Variants in GALNT7 observed in about 807,000 individuals in gnomAD.
The protein encoded by GALNT7 is polypeptide N-acetylgalactosaminyltransferase 7.
GALNT7 carries 60 observed loss-of-function variants against 82.1 expected under a neutral mutation model. The observed-to-expected ratio is 0.73, with a 90% CI of 0.59 to 0.91. GALNT7 has a LOEUF of 0.91. Ranked by LOEUF, GALNT7 falls within the 40% of genes least tolerant of loss-of-function variation. The pLI, the probability that GALNT7 is intolerant of heterozygous loss-of-function variation, is 0.00. For missense variants in GALNT7, 660 were observed against 804.2 expected (o/e 0.82, Z 2.17); for synonymous variants, 243 against 275.1 (o/e 0.88, Z 1.15).
intron 11 of GALNT7, among the ~76,000 whole-genome samples, chr4:173,318,966 T>C (rs1006538144): frequency 2.0e-5 from 3 of 152,098 alleles, no homozygotes; most frequent in Non-Finnish European, 4.4e-5. Flanking sequence ...TATTTGATAT[T>C]GTCCAGCAGG....
chr4:173,181,374 A>G (rs1362976043), intron 1 of GALNT7, among the ~76,000 whole-genome samples: 1 of 152,174 alleles, frequency 6.6e-6, no homozygotes, highest in African/African-American at 2.4e-5. Context: ...CCTTTTAGTG[A>G]TCAGTGAAAA....
At chr4:173,224,838 C>T (rs1009080273) in intron 1 of GALNT7, among the ~76,000 whole-genome samples, 10 of 151,504 alleles carry the variant, frequency 6.6e-5, no homozygotes, top group Admixed American at 1.3e-4. Flanking sequence ...CGGTGAAACC[C>T]CGTCTCTACT....
chr4:173,225,897 G>T (rs143114273), intron 1 of GALNT7, among the ~76,000 whole-genome samples: 4 of 152,300 alleles, frequency 2.6e-5, no homozygotes, highest in African/African-American at 9.6e-5. Context: ...TCTCTACCAA[G>T]TCCTGAACCA....
At chr4:173,216,725 A>ATCTTTTTT (rs1277080433) in intron 1 of GALNT7, among the ~76,000 whole-genome samples, 1 of 8,460 alleles carries the variant, frequency 1.2e-4, no homozygotes, top group Non-Finnish European at 5.9e-4. Context: ...ATATATATAT[A>ATCTTTTTT]TATTTTTTTT....
At position 173,224,874 on chromosome 4, in the gene GALNT7, G is replaced by T. The variant is rs193275694; in HGVS notation, c.127-23106G>T. On this transcript the variant is annotated intron_variant, in intron 1 of 11. Transcript: ENST00000265000. ...AAAAATTAAAAAAAAAATTAGCCAG[G>T]CGTGGTGGCGCGCGCCTGTAGTCCC... Among the ~76,000 whole-genome samples, 816 of 151,894 alleles carry T rather than the reference G, an allele frequency of 5.4e-3. 7 individuals are homozygous for T. Among genetic ancestry groups the T allele is most frequent in the African/African-American group, 0.019 (778 of 41,464 alleles).
At chr4:173,204,298 T>C (rs920506277) in intron 1 of GALNT7, among the ~76,000 whole-genome samples, 2 of 152,228 alleles carry the variant, frequency 1.3e-5, no homozygotes, top group South Asian at 2.1e-4. Flanking sequence ...GATTATAGTA[T>C]GTCTTGGTGT....
In GALNT7 at chr4:173,323,482, G is replaced by A. The variant is rs1005841644; in HGVS notation, c.*1765G>A. 1.3e-5 allele frequency: 2 copies of A among 152,548 alleles called. No homozygotes were observed. Among genetic ancestry groups the A allele is most frequent in the Non-Finnish European group, 2.9e-5 (2 of 67,966 alleles). The allele number at this position is 152,548 out of a possible 1,614,324, so 9.4% of individuals were successfully genotyped here. On this transcript the variant is annotated 3_prime_UTR_variant, in exon 12 of 12. Coordinates refer to ENST00000265000, the MANE Select transcript of GALNT7 (RefSeq NM_017423.3). ...AACTATAAAAAAAGAAACTAAGAGA[G>A]AATTGGTACTTTAATTACTTGTGTG...
intron 1 of GALNT7, among the ~76,000 whole-genome samples, chr4:173,218,983 AT>A (rs34593349): frequency 0.025 from 3,775 of 149,238 alleles, 103 homozygotes; most frequent in Admixed American, 0.071. Flanking sequence ...TCTTAAAAAA[AT>A]TTTTTTTTTC....
intron 8 of GALNT7, among the ~76,000 whole-genome samples, chr4:173,311,813 A>C (rs1022271814): frequency 7.6e-4 from 116 of 152,192 alleles, no homozygotes; most frequent in African/African-American, 2.7e-3. Flanking sequence ...TTCTTTTATC[A>C]TGCTGCTTAT....
intron 1 of GALNT7, among the ~76,000 whole-genome samples, chr4:173,212,258 C>T (rs1210299595): frequency 6.6e-6 from 1 of 152,056 alleles, no homozygotes; most frequent in East Asian, 1.9e-4. Flanking sequence ...GTGAATTTAA[C>T]AATTAAATAT....
chr4:173,291,391 G>T (rs763804431), intron 2 of GALNT7, among the ~76,000 whole-genome samples: 73 of 152,124 alleles, frequency 4.8e-4, no homozygotes, highest in Non-Finnish European at 8.8e-4. Flanking sequence ...AGAGTGTTTG[G>T]TCCCTCCCAA....
intron 1 of GALNT7, among the ~76,000 whole-genome samples, chr4:173,175,314 T>C (rs1732002306): frequency 6.6e-6 from 1 of 152,258 alleles, no homozygotes; most frequent in Admixed American, 6.5e-5. Context: ...TTTGGTTGTT[T>C]ATTTGTAACA....
chr4:173,233,861 C>T (rs1734122090), intron 1 of GALNT7, among the ~76,000 whole-genome samples: 1 of 152,188 alleles, frequency 6.6e-6, no homozygotes, highest in South Asian at 2.1e-4. Context: ...TCTCATTCCA[C>T]TTCATATTTC....
chr4:173,264,406 T>C (rs1735401796), intron 2 of GALNT7, among the ~76,000 whole-genome samples: 1 of 152,150 alleles, frequency 6.6e-6, no homozygotes, highest in Non-Finnish European at 1.5e-5. Context: ...CACACTGTGG[T>C]GTTGATTCTT....
chr4:173,291,822 G>A (rs1173903911), intron 2 of GALNT7, among the ~76,000 whole-genome samples: 1 of 148,380 alleles, frequency 6.7e-6, no homozygotes, highest in South Asian at 2.1e-4. Context: ...CCAACCACCT[G>A]ATAGCTGTAA....
At chr4:173,311,958 T>G (rs1438155178) in intron 8 of GALNT7, among the ~76,000 whole-genome samples, 2 of 152,214 alleles carry the variant, frequency 1.3e-5, no homozygotes, top group East Asian at 3.9e-4. Flanking sequence ...ATGTAAAACA[T>G]GGGTCGGCCA....
chr4:173,208,423 T>C (rs1733166754), intron 1 of GALNT7, among the ~76,000 whole-genome samples: 1 of 152,242 alleles, frequency 6.6e-6, no homozygotes, highest in Non-Finnish European at 1.5e-5. Flanking sequence ...TCCTTATGAC[T>C]TGAAGTAACT....
At chr4:173,234,245 C>G (rs1253195620) in intron 1 of GALNT7, among the ~76,000 whole-genome samples, 1 of 152,178 alleles carries the variant, frequency 6.6e-6, no homozygotes, top group African/African-American at 2.4e-5. Context: ...AGGCGGGATC[C>G]AAGATCCTCT....
At position 173,302,007 on chromosome 4, in the gene GALNT7, G is replaced by A. The variant is rs1561196569; in HGVS notation, c.1149-40G>A. 2 of 922,900 alleles carry A rather than the reference G, an allele frequency of 2.2e-6. No homozygotes were observed. Among genetic ancestry groups the A allele is most frequent in the Admixed American group, 1.8e-5 (1 of 56,324 alleles). The allele number at this position is 922,900 out of a possible 1,614,324, so 57.2% of individuals were successfully genotyped here. On this transcript the variant is annotated intron_variant, in intron 6 of 11. Coordinates refer to ENST00000265000, the MANE Select transcript of GALNT7 (RefSeq NM_017423.3). This position sits in a 1 kb window ranked among gnomAD's most constrained non-coding sequence, Gnocchi z 4.2. ...GCCTATTGGTGAAGGGTTATTGGGG[G>A]TTTGTCTGTAATGGTTATTGCAGTG...
Sources: gnomAD v4.1 joint callset for allele counts (sites outside exome capture counted in the v4.1 genomes callset) on GRCh38, gnomAD v4.1.1 for gene constraint, Gnocchi (gnomAD v3.1) non-coding constraint, MANE v1.5 for transcripts, NCBI Gene and HGNC (gene_info 2026-07-23, HGNC 2026-07-21) for gene names.